The following PLEKHG3 variants were observed in gnomAD, a reference collection of about 807,000 sequenced individuals.
PLEKHG3 encodes the protein pleckstrin homology domain-containing family G member 3.
Under a neutral mutation model 94.9 loss-of-function variants are expected in PLEKHG3, and 62 were observed. The ratio of observed to expected loss-of-function variants is 0.65; its 90% CI spans 0.53 to 0.81. PLEKHG3 has a LOEUF of 0.81. Ranked by LOEUF, PLEKHG3 falls within the 30% of genes least tolerant of loss-of-function variation. PLEKHG3 has a pLI of 0.00. For missense variants in PLEKHG3, 1,461 were observed against 1,619.3 expected (o/e 0.90, Z 1.68); for synonymous variants, 614 against 654.0 (o/e 0.94, Z 0.93).
rs905903422 is a variant in PLEKHG3, at chr14:64,742,349, G to A, written c.2832G>A (p.Met944Ile). Residue 944 changes from methionine (M) to isoleucine (I), a missense_variant, in exon 16 of 17, where the codon ATG becomes ATA. Physicochemically the swap from Met to Ile is conservative, Grantham distance 10 (BLOSUM62 1). Transcript: ENST00000247226. ...GGATCAAGAGCAACAAGCCAGTGAT[G>A]GCCAGGCCACCACTGCAGTGGGAAA... ...SLRIKSNKPV[M>I]ARPPLQWEKV... The A allele has an allele frequency of 6.2e-7, 1 of 1,613,120 alleles. No individual in the cohort carries two copies. Among genetic ancestry groups the A allele is most frequent in the Non-Finnish European group, 8.5e-7 (1 of 1,180,026 alleles).
Position 64,732,202 on chromosome 14 carries a change from A to C in PLEKHG3, c.1212+21A>C, listed in dbSNP as rs747398144. Reference sequence around the variant, plus strand: ...AGAAGGTGAGTTCCCCCAGCTCCTGACTGTGTGCAAGGAGAATGTGCTCCT... The same window carrying C: ...AGAAGGTGAGTTCCCCCAGCTCCTGCCTGTGTGCAAGGAGAATGTGCTCCT... On this transcript the variant is annotated intron_variant, in intron 10 of 16. Coordinates refer to ENST00000247226, the MANE Select transcript of PLEKHG3 (RefSeq NM_001308147.2). This position sits in a 1 kb window ranked among gnomAD's most constrained non-coding sequence, Gnocchi z 4.9. 1.9e-6 allele frequency: 3 copies of C among 1,590,894 alleles called. No individual in the cohort carries two copies. The African/African-American group carries it at 4.0e-5, about 21-fold the overall frequency.
chr14:64,732,954 ACTGGGGACCGT>A lies in PLEKHG3; in HGVS notation c.1345+57_1345+67del, dbSNP rs1202214055. Reference sequence around the variant, plus strand: ...GCCTCTCCCTCACACCCTTGCCCAGACTGGGGACCGTCTGCGGCAGTGTCCAGGGCTGTGGC... The same window carrying A: ...GCCTCTCCCTCACACCCTTGCCCAGACTGCGGCAGTGTCCAGGGCTGTGGC... On this transcript the variant is annotated intron_variant, in intron 12 of 16. Transcript: ENST00000247226. This position sits in a 1 kb window ranked among gnomAD's most constrained non-coding sequence, Gnocchi z 4.9. 1.7e-6 allele frequency: 2 copies of A among 1,153,548 alleles called. No homozygotes were observed. Among genetic ancestry groups the A allele is most frequent in the Non-Finnish European group, 2.6e-6 (2 of 781,440 alleles). 71.5% of individuals were successfully genotyped at this position (1,153,548 alleles called of 1,614,324 possible).
chr14:64,706,996 C>G (rs571895499), intron 1 of PLEKHG3, among the ~76,000 whole-genome samples: 1 of 152,364 alleles, frequency 6.6e-6, no homozygotes, highest in East Asian at 1.9e-4. Context: ...GCTTTTGCAG[C>G]TGCACTGAGG....
At position 64,749,221 on chromosome 14, in the gene PLEKHG3, G is replaced by C. The variant is rs914175934; in HGVS notation, c.*5518G>C. On this transcript the variant is annotated 3_prime_UTR_variant, in exon 17 of 17. Transcript: ENST00000247226. The surrounding 1 kb of genome is among the most constrained non-coding windows in gnomAD (Gnocchi z 4.7). ...CGACTCGACTCATCTCGATTCGACCGGCGGGCGGCGGCGAGAGGAGGCCAA... is the reference window on the plus strand; with the variant it reads ...CGACTCGACTCATCTCGATTCGACCCGCGGGCGGCGGCGAGAGGAGGCCAA... 1.4e-6 allele frequency: 2 copies of C among 1,480,202 alleles called. No homozygotes were observed. Among genetic ancestry groups the C allele is most frequent in the Non-Finnish European group, 1.8e-6 (2 of 1,100,144 alleles). 91.7% of individuals were successfully genotyped at this position (1,480,202 alleles called of 1,614,324 possible). A position where few individuals can be genotyped will look rare whatever the true frequency, so the allele number is the denominator to read the frequency against.
At position 64,732,957 on chromosome 14, in the gene PLEKHG3, G is replaced by A; in HGVS notation, c.1345+56G>A. On this transcript the variant is annotated intron_variant, in intron 12 of 16. Coordinates refer to ENST00000247226, the MANE Select transcript of PLEKHG3 (RefSeq NM_001308147.2). This position sits in a 1 kb window ranked among gnomAD's most constrained non-coding sequence, Gnocchi z 4.9. The stretch of plus-strand genomic sequence containing the variant: ...TCTCCCTCACACCCTTGCCCAGACT[G>A]GGGACCGTCTGCGGCAGTGTCCAGG... 1 of 1,128,426 alleles carries A rather than the reference G, an allele frequency of 8.9e-7. No homozygotes were observed. Among genetic ancestry groups the A allele is most frequent in the Non-Finnish European group, 1.3e-6 (1 of 758,972 alleles). 69.9% of individuals were successfully genotyped at this position (1,128,426 alleles called of 1,614,324 possible). A position where few individuals can be genotyped will look rare whatever the true frequency, so the allele number is the denominator to read the frequency against.
At chr14:64,737,783 T>TC (rs562681034) in intron 14 of PLEKHG3, 23,557 of 711,738 alleles carry the variant, frequency 0.033, 377 homozygotes, top group South Asian at 0.053. Flanking sequence ...GTGTGAAGGC[T>TC]CCCCCCCCGC....
rs1297282378 is a variant in PLEKHG3 at position 64,720,469 on chromosome 14, C to T, written c.-39-7124C>T. ...GACTGTGTGAGTGGTGAGCTCATCCCGGCGCCATCTCAGAGTCCTTCCAGC... is the reference window on the plus strand; with the variant it reads ...GACTGTGTGAGTGGTGAGCTCATCCTGGCGCCATCTCAGAGTCCTTCCAGC... On this transcript the variant is annotated intron_variant, in intron 1 of 16. Transcript: ENST00000247226. This position sits in a 1 kb window ranked among gnomAD's most constrained non-coding sequence, Gnocchi z 4.1. Among the ~76,000 whole-genome samples, 3 of 152,180 alleles carry T rather than the reference C, an allele frequency of 2.0e-5. No individual in the cohort carries two copies. The highest frequency in any genetic ancestry group is 6.5e-5 in the Admixed American group (1 of 15,286).
Position 64,711,495 on chromosome 14 carries a change from G to T in PLEKHG3, c.-40+6791G>T, listed in dbSNP as rs147484018. 2.4e-4 allele frequency among the ~76,000 whole-genome samples: 36 copies of T among 151,456 alleles called. No homozygotes were observed. The East Asian group carries it at 6.8e-3, about 29-fold the overall frequency. On this transcript the variant is annotated intron_variant, in intron 1 of 16. Coordinates refer to ENST00000247226, the MANE Select transcript of PLEKHG3 (RefSeq NM_001308147.2). ...GTGGCATGATCTCGGCTCACTGCAA[G>T]CTCCGTCTCCCGTGTTCATGCCATT...
Position 64,736,867 on chromosome 14 carries a change from C to T in PLEKHG3, c.1360C>T (p.Leu454=). ...TTCCTCCTCAGAGCCAACCAAACAC[C>T]TGCTCAGGCAACTCAACGAGAAAGG... The part of the protein sequence containing the change: ...GRRQSEPTKH[L]LRQLNEKARA... Residue 454 remains leucine, a synonymous_variant, in exon 13 of 17, where the codon CTG becomes TTG. Coordinates refer to ENST00000247226, the MANE Select transcript of PLEKHG3 (RefSeq NM_001308147.2). 2.5e-6 allele frequency: 4 copies of T among 1,613,394 alleles called. No individual in the cohort carries two copies. Among genetic ancestry groups the T allele is most frequent in the Non-Finnish European group, 3.4e-6 (4 of 1,179,406 alleles).
Position 64,723,757 on chromosome 14 carries a change from T to A in PLEKHG3, c.-39-3836T>A, listed in dbSNP as rs1415456815. The A allele has an allele frequency of 6.6e-6, 1 of 152,230 alleles. No individual in the cohort carries two copies. Among genetic ancestry groups the A allele is most frequent in the South Asian group, 2.1e-4 (1 of 4,832 alleles). The allele number at this position is 152,230 out of a possible 1,614,324, so 9.4% of individuals were successfully genotyped here. A position where few individuals can be genotyped will look rare whatever the true frequency, so the allele number is the denominator to read the frequency against. On this transcript the variant is annotated intron_variant, in intron 1 of 16. Transcript: ENST00000247226. This position sits in a 1 kb window ranked among gnomAD's most constrained non-coding sequence, Gnocchi z 4.5. The stretch of plus-strand genomic sequence containing the variant: ...CTCAAGTGATCTGCCCCCCTCTGCC[T>A]CCCACAGTGCTGGGATTACAGGCGT...
Position 64,731,459 on chromosome 14 carries a change from T to C in PLEKHG3, c.948T>C (p.Asn316=), listed in dbSNP as rs763310333. The C allele has an allele frequency of 2.5e-6, 4 of 1,614,108 alleles. No individual in the cohort carries two copies. Among genetic ancestry groups the C allele is most frequent in the Admixed American group, 3.3e-5 (2 of 60,032 alleles). Residue 316 remains asparagine (N), a synonymous_variant, in exon 8 of 17, where the codon AAT becomes AAC. Transcript: ENST00000247226. This position sits in a 1 kb window ranked among gnomAD's most constrained non-coding sequence, Gnocchi z 6.1. Reference sequence around the variant, plus strand: ...CATTCCGCGTGCATCGCGTGCGCAATGAAAGGACCTTTTTCCTCTTTGACA... The same window carrying C: ...CATTCCGCGTGCATCGCGTGCGCAACGAAAGGACCTTTTTCCTCTTTGACA... ...EGTFRVHRVR[N]ERTFFLFDKT...
chr14:64,742,827 AAG>A (rs2081734016), intron 16 of PLEKHG3, among the ~76,000 whole-genome samples, 153 bp from the exon 17 acceptor site: 1 of 152,132 alleles, frequency 6.6e-6, no homozygotes, highest in African/African-American at 2.4e-5. Context: ...CCCTTCATGA[AAG>A]AGGCTGTGGA....
chr14:64,742,782 C>T (rs1404222166), intron 16 of PLEKHG3, among the ~76,000 whole-genome samples, 200 bp from the exon 17 acceptor site: 2 of 152,200 alleles, frequency 1.3e-5, no homozygotes, highest in African/African-American at 4.8e-5. Context: ...GACTCCTGAC[C>T]CCTTTCCACT....
chr14:64,723,191 G>T lies in PLEKHG3; in HGVS notation c.-39-4402G>T, dbSNP rs954223171. ...GGTGTGGTTTAGGCTTAAATTTAAA[G>T]AAAAAGAAAAGAAACCTCCCTCTCT... On this transcript the variant is annotated intron_variant, in intron 1 of 16. Coordinates refer to ENST00000247226, the MANE Select transcript of PLEKHG3 (RefSeq NM_001308147.2). This position sits in a 1 kb window ranked among gnomAD's most constrained non-coding sequence, Gnocchi z 4.5. Among the ~76,000 whole-genome samples the T allele has an allele frequency of 6.6e-6, 1 of 152,034 alleles. No individual in the cohort carries two copies. Among genetic ancestry groups the T allele is most frequent in the African/African-American group, 2.4e-5 (1 of 41,396 alleles).
At chr14:64,735,805 G>T (rs1177712880) in intron 12 of PLEKHG3, among the ~76,000 whole-genome samples, 1 of 152,224 alleles carries the variant, frequency 6.6e-6, no homozygotes, top group Non-Finnish European at 1.5e-5. Context: ...TCAGAGAGCT[G>T]AGATGAGCTG....
rs940067243 is a variant in PLEKHG3, at chr14:64,716,939, G to A, written c.-39-10654G>A. On this transcript the variant is annotated intron_variant, in intron 1 of 16. Transcript: ENST00000247226. This position sits in a 1 kb window ranked among gnomAD's most constrained non-coding sequence, Gnocchi z 5.0. ...AGTGCCCCTCCTCTACCCAGGAACTGGTTGGATGAGTTTCTTAGGCGTCTC... is the reference window on the plus strand; with the variant it reads ...AGTGCCCCTCCTCTACCCAGGAACTAGTTGGATGAGTTTCTTAGGCGTCTC... Among the ~76,000 whole-genome samples the A allele has an allele frequency of 6.6e-6, 1 of 152,236 alleles. No individual in the cohort carries two copies. Among genetic ancestry groups the A allele is most frequent in the Non-Finnish European group, 1.5e-5 (1 of 68,046 alleles).
chr14:64,742,543 C>A, intron 16 of PLEKHG3, 88 bp downstream of exon 16: 1 of 981,514 alleles, frequency 1.0e-6, no homozygotes, highest in Non-Finnish European at 1.5e-6. Context: ...GGGAAAGTGA[C>A]CTCTAAGGAG....
At chr14:64,736,301 G>A (rs570048392) in intron 12 of PLEKHG3, among the ~76,000 whole-genome samples, 6 of 152,378 alleles carry the variant, frequency 3.9e-5, no homozygotes, top group African/African-American at 9.6e-5. Flanking sequence ...GTCACTCTCC[G>A]TACAGCCGGG....
chr14:64,730,998 C>G lies in PLEKHG3; in HGVS notation c.718-40C>G. On this transcript the variant is annotated intron_variant, in intron 6 of 16. Coordinates refer to ENST00000247226, the MANE Select transcript of PLEKHG3 (RefSeq NM_001308147.2). This position sits in a 1 kb window ranked among gnomAD's most constrained non-coding sequence, Gnocchi z 5.4. ...ACCTAGGGCCTGGGGAGGGCAGGGC[C>G]TTCGGGTCAGGGGCACCTAAGCGTC... The G allele has an allele frequency of 2.5e-6, 4 of 1,613,786 alleles. No individual in the cohort carries two copies. The highest frequency in any genetic ancestry group is 2.2e-5 in the South Asian group (2 of 91,074).
Sources: allele counts gnomAD v4.1 joint callset (sites outside exome capture counted in the v4.1 genomes callset), GRCh38; gene constraint gnomAD v4.1.1; non-coding constraint Gnocchi (gnomAD v3.1); transcripts MANE v1.5; gene names NCBI Gene and HGNC (gene_info 2026-07-23, HGNC 2026-07-21).